The following ART3 variants were observed in gnomAD, a reference collection of about 807,000 sequenced individuals.
ART3 encodes the protein ADP-ribosyltransferase 3 (inactive).
Under a neutral mutation model 48.5 loss-of-function variants are expected in ART3, and 49 were observed. That is an observed-to-expected ratio of 1.01 (90% CI 0.80 to 1.28). ART3 has a LOEUF of 1.28. ART3 is among the 50% of genes most tolerant of loss of function. The probability of loss-of-function intolerance (pLI) is 0.00; values close to 1 mark genes in which losing one functional copy is unlikely to be tolerated. For synonymous variants in ART3, 145 were observed against 157.2 expected (o/e 0.92, Z 0.58); for missense variants, 438 against 454.3 (o/e 0.96, Z 0.33).
intron 1 of ART3, among the ~76,000 whole-genome samples, chr4:76,045,242 C>T (rs556266868): frequency 4.6e-5 from 7 of 151,990 alleles, no homozygotes; most frequent in Non-Finnish European, 1.0e-4. Flanking sequence ...TAAGTCTGGA[C>T]TATAATTTGT....
At chr4:76,044,001 G>T (rs1016794294) in intron 1 of ART3, among the ~76,000 whole-genome samples, 1 of 151,966 alleles carries the variant, frequency 6.6e-6, no homozygotes, top group Non-Finnish European at 1.5e-5. Context: ...AAGTGCCAGC[G>T]GGTTGGTCCA....
chr4:76,093,886 T>TC (rs1260837028), intron 3 of ART3, among the ~76,000 whole-genome samples: 1 of 152,114 alleles, frequency 6.6e-6, no homozygotes, highest in Non-Finnish European at 1.5e-5. Flanking sequence ...ACTGAATGTA[T>TC]CCCCCCCAAA....
chr4:76,040,493 A>G (rs1031325248), intron 1 of ART3, among the ~76,000 whole-genome samples: 1 of 119,318 alleles, frequency 8.4e-6, no homozygotes, highest in Non-Finnish European at 1.8e-5. Context: ...TCGCCTAACA[A>G]GTTCTATATC....
chr4:76,082,490 A>G lies in ART3; in HGVS notation c.736A>G (p.Ser246Gly). Residue 246 changes from serine (S) to glycine (G), a missense_variant, in exon 3 of 12, where the codon AGC (serine) becomes GGC (glycine). This residue lies in a region of ART3 where 227 missense variants were observed against 229.6 expected (regional missense o/e 0.99). Transcript: ENST00000355810. Reference protein sequence around the residue: ...EGAGNNLILQSINKTCSHYEC... With the variant: ...EGAGNNLILQGINKTCSHYEC... Reference sequence around the variant, plus strand: ...GGCTGGCAATAACCTTATCCTTCAAAGCATAAACAAGACCTGCAGCCATTA... The same window carrying G: ...GGCTGGCAATAACCTTATCCTTCAAGGCATAAACAAGACCTGCAGCCATTA... 1 of 1,607,602 alleles carries G rather than the reference A, an allele frequency of 6.2e-7. No individual in the cohort carries two copies. The highest frequency in any genetic ancestry group is 8.5e-7 in the Non-Finnish European group (1 of 1,177,030).
chr4:76,067,048 G>T (rs956334437), intron 1 of ART3, among the ~76,000 whole-genome samples: 1 of 152,334 alleles, frequency 6.6e-6, no homozygotes, highest in African/African-American at 2.4e-5. Context: ...GGCAGCCCTG[G>T]CCACACCTTC....
intron 3 of ART3, among the ~76,000 whole-genome samples, chr4:76,085,445 C>A (rs1426923830): frequency 1.3e-5 from 2 of 152,150 alleles, no homozygotes; most frequent in Middle Eastern, 3.2e-3. Context: ...AGGAAGTCCT[C>A]ACTCTTAGGG....
chr4:76,102,069 ATTC>A (rs1727452986), intron 8 of ART3, among the ~76,000 whole-genome samples: 1 of 152,250 alleles, frequency 6.6e-6, no homozygotes, highest in Non-Finnish European at 1.5e-5. Context: ...GCAACACTTT[ATTC>A]CATAGAATAA....
intron 8 of ART3, 131 bp from the exon 9 acceptor site, chr4:76,103,806 G>C: frequency 3.8e-6 from 3 of 784,974 alleles, no homozygotes; most frequent in Non-Finnish European, 5.9e-6. Flanking sequence ...TGTTGTTGCT[G>C]TTTCTTTTTT....
intron 1 of ART3, among the ~76,000 whole-genome samples, chr4:76,039,637 G>A (rs1363003202): frequency 6.6e-6 from 1 of 152,202 alleles, no homozygotes; most frequent in Non-Finnish European, 1.5e-5. Flanking sequence ...CAATAGCATA[G>A]TTCAAATAAT....
intron 11 of ART3, among the ~76,000 whole-genome samples, chr4:76,110,239 A>T (rs1427420518): frequency 6.6e-6 from 1 of 152,232 alleles, no homozygotes; most frequent in Non-Finnish European, 1.5e-5. Context: ...ATACAAATTT[A>T]AAAACCCATA....
Position 76,100,820 on chromosome 4 carries a change from C to A in ART3, c.903C>A (p.Asp301Glu), listed in dbSNP as rs763549230. 26 of 1,612,262 alleles carry A rather than the reference C, an allele frequency of 1.6e-5. No homozygotes were observed. The highest frequency in any genetic ancestry group is 2.7e-5 in the African/African-American group (2 of 74,638). ...GTGAGAAAAACTGGAAGCTTGAAGA[C>A]CATGGTAAGACATTTTTTATAAATT... is the stretch of plus-strand genomic sequence containing the variant. The part of the protein sequence containing the change: ...DHSEKNWKLE[D>E]HGEKNQKLED... Residue 301 changes from aspartate (D) to glutamate (E), a missense_variant, in exon 7 of 12, where the codon GAC becomes GAA. By Grantham distance (45) the Asp-to-Glu change is conservative. Transcript: ENST00000355810.
At chr4:76,029,761 C>G (rs1250381921) in intron 1 of ART3, among the ~76,000 whole-genome samples, 6 of 152,186 alleles carry the variant, frequency 3.9e-5, no homozygotes, top group Admixed American at 3.9e-4. Flanking sequence ...CTTTCCTTTT[C>G]TAATAGCATT....
chr4:76,023,265 A>G, intron 1 of ART3: 1 of 825,866 alleles, frequency 1.2e-6, no homozygotes. Context: ...TCTTATTTAT[A>G]AGCATGCAGT....
intron 8 of ART3, among the ~76,000 whole-genome samples, chr4:76,102,480 A>G (rs1309600246): frequency 6.6e-6 from 1 of 152,182 alleles, no homozygotes; most frequent in African/African-American, 2.4e-5. Flanking sequence ...ATTTGACAGT[A>G]GCAAAAATTT....
chr4:76,080,383 G>A (rs1290446632), intron 2 of ART3, among the ~76,000 whole-genome samples: 1 of 152,050 alleles, frequency 6.6e-6, no homozygotes, highest in Non-Finnish European at 1.5e-5. Context: ...TAATAACCAC[G>A]GCATGTTAAA....
rs753032694 is a variant in ART3 at position 76,097,635 on chromosome 4, G to A, written c.782-9G>A. The stretch of plus-strand genomic sequence containing the variant: ...GTCTAACTAATAAAGCTTTATCTTT[G>A]TGTTTCAGGACTAAAAACCGAAAAC... On this transcript the variant is annotated splice_polypyrimidine_tract_variant and intron_variant, in intron 3 of 11. Transcript: ENST00000355810. The A allele has an allele frequency of 1.7e-5, 28 of 1,603,202 alleles. No homozygotes were observed. Among genetic ancestry groups the A allele is most frequent in the Non-Finnish European group, 1.9e-5 (22 of 1,170,382 alleles).
chr4:76,110,580 T>TA (rs5859494), intron 11 of ART3, among the ~76,000 whole-genome samples: 6 of 150,928 alleles, frequency 4.0e-5, no homozygotes, highest in Non-Finnish European at 5.9e-5. Flanking sequence ...GAAAAATTGC[T>TA]AAAAAAAAAT....
intron 1 of ART3, chr4:76,034,444 G>C (rs1009345470): frequency 1.0e-5 from 5 of 487,468 alleles, no homozygotes; most frequent in Admixed American, 8.0e-5. Flanking sequence ...CTCTAGCCTA[G>C]AAATGCATGA....
Position 76,097,688 on chromosome 4 carries a change from T to C in ART3, c.814+12T>C. 1 of 1,601,958 alleles carries C rather than the reference T, an allele frequency of 6.2e-7. No individual in the cohort carries two copies. Among genetic ancestry groups the C allele is most frequent in the South Asian group, 1.1e-5 (1 of 90,684 alleles). ...TATTGAGAACCTAGGTAAGATAGCT[T>C]TAAAGTCTTATCCCTATAATAGGAA... On this transcript the variant is annotated intron_variant, in intron 4 of 11. Transcript: ENST00000355810.
Sources: gnomAD v4.1 joint callset for allele counts (sites outside exome capture counted in the v4.1 genomes callset) on GRCh38, gnomAD v4.1.1 for gene constraint, gnomAD v4.1.1 regional missense constraint, MANE v1.5 for transcripts, NCBI Gene and HGNC (gene_info 2026-07-23, HGNC 2026-07-21) for gene names.